MCPH1: variants seen among roughly 807,000 people sequenced by gnomAD.
MCPH1 encodes the protein microcephalin 1, also known as microcephalin.
In MCPH1, 104 loss-of-function variants were observed where a neutral mutation model predicts 84.5. The ratio of observed to expected loss-of-function variants is 1.23; its 90% CI spans 1.05 to 1.45. MCPH1 has a LOEUF of 1.45. Among genes scored for constraint, MCPH1 ranks in the 40% most tolerant of loss-of-function variants. The pLI, the probability that MCPH1 is intolerant of heterozygous loss-of-function variation, is 0.00. For synonymous variants in MCPH1, 514 were observed against 366.8 expected, an observed-to-expected ratio of 1.40 and a Z score of -4.58; for missense variants, 1,498 against 1,005.7, an observed-to-expected ratio of 1.49 and a Z score of -6.62.
chr8:6,523,450 A>G (rs926837370), intron 12 of MCPH1, among the ~76,000 whole-genome samples: 1 of 152,240 alleles, frequency 6.6e-6, no homozygotes, highest in East Asian at 1.9e-4. Context: ...TACCACTTTT[A>G]AACTAAAAAT....
At chr8:6,635,866 T>G (rs1324656954) in intron 13 of MCPH1, among the ~76,000 whole-genome samples, 3 of 152,118 alleles carry the variant, frequency 2.0e-5, no homozygotes, top group Admixed American at 1.3e-4. Flanking sequence ...AGGCCTGCTG[T>G]TGTTTGTTGT....
At chr8:6,499,617 GAAT>G in intron 11 of MCPH1, 1 of 459,522 alleles carries the variant, frequency 2.2e-6, no homozygotes. Context: ...GACCTCATGA[GAAT>G]AATGACTCAG....
intron 13 of MCPH1, chr8:6,625,801 G>C (rs902815676): frequency 2.0e-6 from 2 of 983,086 alleles, no homozygotes; most frequent in South Asian, 4.7e-5. Context: ...AAAAAAAAAA[G>C]AATCATTTTT....
At chr8:6,548,935 T>A (rs535518408) in intron 12 of MCPH1, among the ~76,000 whole-genome samples, 1 of 152,354 alleles carries the variant, frequency 6.6e-6, no homozygotes, top group Admixed American at 6.5e-5. Context: ...TGTTAACCTC[T>A]GGTTATAACC....
chr8:6,431,191 C>A (rs972208471), intron 3 of MCPH1, among the ~76,000 whole-genome samples: 4 of 152,100 alleles, frequency 2.6e-5, no homozygotes, highest in African/African-American at 9.7e-5. Flanking sequence ...TAGCATTTAC[C>A]CTTAGCTTTA....
intron 6 of MCPH1, 91 bp from the exon 7 acceptor site, chr8:6,441,976 A>T (rs1803578083): frequency 1.2e-6 from 1 of 839,832 alleles, no homozygotes; most frequent in Non-Finnish European, 2.0e-6. Flanking sequence ...TAATAGAATC[A>T]CCTATGATTA....
intron 12 of MCPH1, among the ~76,000 whole-genome samples, chr8:6,612,355 C>T (rs1412511134): frequency 1.3e-5 from 2 of 152,178 alleles, no homozygotes; most frequent in Non-Finnish European, 2.9e-5. Flanking sequence ...ACTTCCCGGG[C>T]GTGATAACTC....
intron 12 of MCPH1, among the ~76,000 whole-genome samples, chr8:6,585,955 C>A (rs1469247728): frequency 4.6e-5 from 7 of 152,154 alleles, no homozygotes; most frequent in Non-Finnish European, 7.4e-5. Context: ...GCAAGTGAAG[C>A]CATCCTTCTT....
intron 7 of MCPH1, among the ~76,000 whole-genome samples, chr8:6,442,781 A>C (rs140502311): frequency 4.8e-4 from 73 of 152,356 alleles, no homozygotes; most frequent in African/African-American, 1.6e-3. Flanking sequence ...GATCCCTGAA[A>C]GTACTATGTT....
chr8:6,585,693 G>A (rs1827920611), intron 12 of MCPH1, among the ~76,000 whole-genome samples: 2 of 152,160 alleles, frequency 1.3e-5, no homozygotes, highest in Non-Finnish European at 2.9e-5. Flanking sequence ...CCTTCCATAT[G>A]GCCCATAGGA....
At chr8:6,535,186 A>G (rs1030107831) in intron 12 of MCPH1, among the ~76,000 whole-genome samples, 1 of 152,344 alleles carries the variant, frequency 6.6e-6, no homozygotes, top group African/African-American at 2.4e-5. Flanking sequence ...TTGTCACTCT[A>G]AATCATACAA....
rs57438422 is a variant in MCPH1, at chr8:6,550,443, C to T, written c.2214+50514C>T. ...CTTGTTGCCCTGGCACCAAGCCAAC[C>T]ACTCAGCATCCAGCGCGTCCTCACC... On this transcript the variant is annotated intron_variant, in intron 12 of 13. Coordinates refer to ENST00000344683, the MANE Select transcript of MCPH1 (RefSeq NM_024596.5). 2.6e-3 allele frequency among the ~76,000 whole-genome samples: 396 copies of T among 152,344 alleles called. 4 individuals are homozygous for T. The highest frequency in any genetic ancestry group is 9.3e-3 in the African/African-American group (386 of 41,588).
chr8:6,412,487 G>A (rs745629562), intron 2 of MCPH1, among the ~76,000 whole-genome samples: 1 of 152,146 alleles, frequency 6.6e-6, no homozygotes, highest in Non-Finnish European at 1.5e-5. Flanking sequence ...CTCGTAATCC[G>A]GGATTATCTT....
intron 9 of MCPH1, among the ~76,000 whole-genome samples, chr8:6,474,927 C>T (rs966933853): frequency 1.3e-5 from 2 of 152,130 alleles, no homozygotes; most frequent in Non-Finnish European, 2.9e-5. Context: ...TCTCATTTGC[C>T]AAATATTTAC....
intron 12 of MCPH1, among the ~76,000 whole-genome samples, chr8:6,601,475 G>A (rs1343586321): frequency 2.0e-5 from 3 of 151,216 alleles, no homozygotes; most frequent in Admixed American, 6.6e-5. Flanking sequence ...CGTCTGTGGC[G>A]ATCTCCCTCC....
intron 12 of MCPH1, among the ~76,000 whole-genome samples, chr8:6,525,697 A>G (rs1818201642): frequency 6.6e-6 from 1 of 152,196 alleles, no homozygotes; most frequent in Non-Finnish European, 1.5e-5. Flanking sequence ...AGCATGCAGA[A>G]CTCATACACC....
chr8:6,623,838 G>A (rs1201833146), intron 13 of MCPH1, among the ~76,000 whole-genome samples: 1 of 152,086 alleles, frequency 6.6e-6, no homozygotes, highest in Non-Finnish European at 1.5e-5. Flanking sequence ...TGTTTTTCTG[G>A]AGAAGTGTAT....
Position 6,560,706 on chromosome 8 carries a change from T to G in MCPH1, c.2215-60748T>G, listed in dbSNP as rs193156095. 4.7e-4 allele frequency among the ~76,000 whole-genome samples: 71 copies of G among 152,334 alleles called. No individual in the cohort carries two copies. In the Middle Eastern group the frequency reaches 0.01, roughly 22 times the overall value. On this transcript the variant is annotated intron_variant, in intron 12 of 13. Transcript: ENST00000344683. ...TGTTCAAATATTGACTAAGTGAACCTGGAAAGGAAGAAATTTTGGTCGCCT... is the reference window on the plus strand; with the variant it reads ...TGTTCAAATATTGACTAAGTGAACCGGGAAAGGAAGAAATTTTGGTCGCCT...
intron 12 of MCPH1, among the ~76,000 whole-genome samples, chr8:6,506,902 GC>G (rs1207446782): frequency 6.6e-6 from 1 of 150,808 alleles, no homozygotes; most frequent in African/African-American, 2.4e-5. Context: ...TGTTAATGAT[GC>G]TTTTTTTTTT....
Sources: allele counts gnomAD v4.1 joint callset (sites outside exome capture counted in the v4.1 genomes callset), GRCh38; gene constraint gnomAD v4.1.1; transcripts MANE v1.5; gene names NCBI Gene and HGNC (gene_info 2026-07-23, HGNC 2026-07-21).